RGP1: variants seen among roughly 807,000 people sequenced by gnomAD.
RGP1 encodes RAB6A-GEF complex partner protein 2.
A neutral mutation model predicts 44.5 loss-of-function variants in RGP1; 28 were observed. The observed-to-expected ratio is 0.63, with a 90% CI of 0.47 to 0.86. The LOEUF is 0.86. RGP1 is among the 40% of genes least tolerant of loss of function. The pLI, the probability that RGP1 is intolerant of heterozygous loss-of-function variation, is 0.00. For missense variants in RGP1, 417 were observed against 490.7 expected (o/e 0.85, Z 1.42); for synonymous variants, 212 against 196.7 (o/e 1.08, Z -0.65).
chr9:35,784,593 C>T, the RGP1 span, among the ~76,000 whole-genome samples: 1 of 152,224 alleles, frequency 6.6e-6, no homozygotes, highest in African/African-American at 2.4e-5. Context: ...GCTGGGATTA[C>T]AGGCGCCTGA....
At chr9:35,765,254 T>C in the RGP1 span, among the ~76,000 whole-genome samples, 2 of 152,264 alleles carry the variant, frequency 1.3e-5, no homozygotes, top group Admixed American at 1.3e-4. Context: ...GAAGCTGCTA[T>C]GAACACTCAC....
At chr9:35,760,258 G>T (rs1827407380), downstream of RGP1, among the ~76,000 whole-genome samples, 3 of 152,020 alleles carry the variant, frequency 2.0e-5, 1 homozygote, top group Admixed American at 2.0e-4. Context: ...TGATGGGCGG[G>T]GTGGGGGGCC....
Position 35,749,532 on chromosome 9 carries a change from T to C in RGP1, c.-20+124T>C. 1.5e-6 allele frequency: 1 copy of C among 678,216 alleles called. No individual in the cohort carries two copies. Among genetic ancestry groups the C allele is most frequent in the South Asian group, 1.5e-5 (1 of 66,244 alleles). 42.0% of individuals were successfully genotyped at this position (678,216 alleles called of 1,614,324 possible). On this transcript the variant is annotated intron_variant, in intron 1 of 8. Coordinates refer to ENST00000378078, the MANE Select transcript of RGP1 (RefSeq NM_001080496.3). The surrounding 1 kb of genome is among the most constrained non-coding windows in gnomAD (Gnocchi z 4.4). ...AACCCGTCGCACAGGGGCTGGGGTC[T>C]AGGGCCCAGAGCGATGTCCTCCCCC...
chr9:35,785,597 A>T, the RGP1 span, among the ~76,000 whole-genome samples: 1 of 152,168 alleles, frequency 6.6e-6, no homozygotes, highest in African/African-American at 2.4e-5. Flanking sequence ...ACCTGAACAC[A>T]TCGTGGAGGC....
At chr9:35,777,152 C>T in the RGP1 span, among the ~76,000 whole-genome samples, 9 of 98,044 alleles carry the variant, frequency 9.2e-5, no homozygotes, top group African/African-American at 1.2e-4. Flanking sequence ...TTTTTTGAGA[C>T]AGAGTCTTGC....
Position 35,757,733 on chromosome 9 carries a change from A to C in RGP1, c.*4859A>C, listed in dbSNP as rs1337130398. On this transcript the variant is annotated 3_prime_UTR_variant, in exon 9 of 9. Coordinates refer to ENST00000378078, the MANE Select transcript of RGP1 (RefSeq NM_001080496.3). The stretch of plus-strand genomic sequence containing the variant: ...TTTGGGATTATTTGGTCTCACAGGT[A>C]GAAGGGAGCCTGCTGGTCTCTGTGT... The C allele has an allele frequency of 1.3e-5, 2 of 152,216 alleles. No individual in the cohort carries two copies. The highest frequency in any genetic ancestry group is 4.8e-5 in the African/African-American group (2 of 41,442). 9.4% of individuals were successfully genotyped at this position (152,216 alleles called of 1,614,324 possible).
chr9:35,768,984 C>A, the RGP1 span, among the ~76,000 whole-genome samples: 2 of 152,244 alleles, frequency 1.3e-5, no homozygotes, highest in South Asian at 2.1e-4. Context: ...AGGGTGCCCT[C>A]AGCTCACCCA....
At chr9:35,774,556 T>C in the RGP1 span, among the ~76,000 whole-genome samples, 1 of 152,154 alleles carries the variant, frequency 6.6e-6, no homozygotes, top group South Asian at 2.1e-4. Context: ...TGAAACCCCG[T>C]CTCTACTAAA....
At position 35,753,800 on chromosome 9, in the gene RGP1, AG is replaced by A; in HGVS notation, c.*928del. The A allele has an allele frequency of 1.3e-6, 2 of 1,592,520 alleles. No individual in the cohort carries two copies. Among genetic ancestry groups the A allele is most frequent in the East Asian group, 4.5e-5 (2 of 44,774 alleles). On this transcript the variant is annotated 3_prime_UTR_variant, in exon 9 of 9. Coordinates refer to ENST00000378078, the MANE Select transcript of RGP1 (RefSeq NM_001080496.3). This position sits in a 1 kb window ranked among gnomAD's most constrained non-coding sequence, Gnocchi z 4.2. The stretch of plus-strand genomic sequence containing the variant: ...AAGAACGGGAAATGTTAGTAGGTGT[AG>A]GAGTGCTGATGAGAGGCAGAGGCTC...
the RGP1 span, among the ~76,000 whole-genome samples, chr9:35,776,079 T>C: frequency 1.7e-4 from 26 of 152,314 alleles, no homozygotes; most frequent in African/African-American, 5.8e-4. Context: ...GCAAACTTCT[T>C]TGACCTTTTT....
chr9:35,771,166 T>C, the RGP1 span, among the ~76,000 whole-genome samples: 2 of 152,162 alleles, frequency 1.3e-5, no homozygotes, highest in African/African-American at 4.8e-5. Context: ...GCACTCCTTT[T>C]CTGAGGAGTA....
chr9:35,753,740 A>T lies in RGP1; in HGVS notation c.*866A>T, dbSNP rs1827312126. On this transcript the variant is annotated 3_prime_UTR_variant, in exon 9 of 9. Transcript: ENST00000378078. The surrounding 1 kb of genome is among the most constrained non-coding windows in gnomAD (Gnocchi z 4.2). ...TGCGGAGCCAAGACTCACCCAGGGTAAAATATTTCCCCTCATAGTGACAGG... is the reference window on the plus strand; with the variant it reads ...TGCGGAGCCAAGACTCACCCAGGGTTAAATATTTCCCCTCATAGTGACAGG... 1 of 1,614,000 alleles carries T rather than the reference A, an allele frequency of 6.2e-7. No homozygotes were observed. The highest frequency in any genetic ancestry group is 8.5e-7 in the Non-Finnish European group (1 of 1,179,990).
Position 35,757,996 on chromosome 9 carries a change from A to G in RGP1, c.*5122A>G, listed in dbSNP as rs1827383275. On this transcript the variant is annotated 3_prime_UTR_variant, in exon 9 of 9. Coordinates refer to ENST00000378078, the MANE Select transcript of RGP1 (RefSeq NM_001080496.3). ...CCAAAAGTGAGGCTCTCAGATTGGT[A>G]ATATGGTATTCAGCCTTTTTCTTGT... The G allele has an allele frequency of 6.6e-6, 1 of 152,272 alleles. No individual in the cohort carries two copies. The highest frequency in any genetic ancestry group is 1.5e-5 in the Non-Finnish European group (1 of 68,048). 9.4% of individuals were successfully genotyped at this position (152,272 alleles called of 1,614,324 possible).
At chr9:35,777,032 A>G in the RGP1 span, among the ~76,000 whole-genome samples, 1 of 151,388 alleles carries the variant, frequency 6.6e-6, no homozygotes. Flanking sequence ...GAAAATCAAA[A>G]TAATTGAATT....
the RGP1 span, among the ~76,000 whole-genome samples, chr9:35,777,437 G>A: frequency 1.0e-5 from 1 of 98,762 alleles, no homozygotes; most frequent in Non-Finnish European, 2.0e-5. Context: ...CCTAAATCAT[G>A]TTTTGTGGTT....
At chr9:35,782,075 C>G in the RGP1 span, among the ~76,000 whole-genome samples, 4 of 148,146 alleles carry the variant, frequency 2.7e-5, no homozygotes, top group South Asian at 2.2e-4. Context: ...CAACCTCCCC[C>G]TCCCGGGTTC....
At chr9:35,781,362 C>A in the RGP1 span, among the ~76,000 whole-genome samples, 1 of 129,926 alleles carries the variant, frequency 7.7e-6, no homozygotes, top group Non-Finnish European at 1.6e-5. Flanking sequence ...CCTGGAGGGG[C>A]ATTTTGGTCC....
Position 35,749,469 on chromosome 9 carries a change from G to A in RGP1, c.-20+61G>A. The A allele has an allele frequency of 1.6e-6, 1 of 633,890 alleles. No homozygotes were observed. Among genetic ancestry groups the A allele is most frequent in the Non-Finnish European group, 3.1e-6 (1 of 326,946 alleles). 39.3% of individuals were successfully genotyped at this position (633,890 alleles called of 1,614,324 possible). A position where few individuals can be genotyped will look rare whatever the true frequency, so the allele number is the denominator to read the frequency against. ...AACTTTGAGGAAAGGGGGAGCGGAGGCCAGTTTGGGAACTCCGCGGGGGTG... is the reference window on the plus strand; with the variant it reads ...AACTTTGAGGAAAGGGGGAGCGGAGACCAGTTTGGGAACTCCGCGGGGGTG... On this transcript the variant is annotated intron_variant, in intron 1 of 8. Coordinates refer to ENST00000378078, the MANE Select transcript of RGP1 (RefSeq NM_001080496.3). This position sits in a 1 kb window ranked among gnomAD's most constrained non-coding sequence, Gnocchi z 4.4.
At chr9:35,776,150 G>A in the RGP1 span, among the ~76,000 whole-genome samples, 1 of 152,100 alleles carries the variant, frequency 6.6e-6, no homozygotes, top group Non-Finnish European at 1.5e-5. Flanking sequence ...TGGTGGGAGA[G>A]GCTGGCATCA....
Sources: gnomAD v4.1 joint callset for allele counts (sites outside exome capture counted in the v4.1 genomes callset) on GRCh38, gnomAD v4.1.1 for gene constraint, Gnocchi (gnomAD v3.1) non-coding constraint, MANE v1.5 for transcripts, NCBI Gene and HGNC (gene_info 2026-07-23, HGNC 2026-07-21) for gene names.